The following HIBADH variants were observed in gnomAD, a reference collection of about 807,000 sequenced individuals.
The protein encoded by HIBADH is 3-hydroxyisobutyrate dehydrogenase, also known as 3-hydroxyisobutyrate dehydrogenase, mitochondrial.
Under a neutral mutation model 36.1 loss-of-function variants are expected in HIBADH, and 25 were observed. The ratio of observed to expected loss-of-function variants is 0.69; its 90% confidence interval spans 0.50 to 0.97. The LOEUF is 0.97. Among genes scored for constraint, HIBADH ranks in the 50% least tolerant of loss-of-function variants. The probability of loss-of-function intolerance (pLI) is 0.00; values close to 1 mark genes in which losing one functional copy is unlikely to be tolerated. For synonymous variants in HIBADH, 160 were observed against 149.5 expected, an observed-to-expected ratio of 1.07 and a Z score of -0.51; for missense variants, 421 against 418.0, an observed-to-expected ratio of 1.01 and a Z score of -0.06.
chr7:27,660,434 C>T (rs1261383787), intron 1 of HIBADH, among the ~76,000 whole-genome samples: 5 of 152,210 alleles, frequency 3.3e-5, no homozygotes, highest in Non-Finnish European at 7.3e-5. Context: ...GAGGCCAAGG[C>T]GGGCGGATCA....
chr7:27,554,507 C>G (rs1333228453), intron 4 of HIBADH, among the ~76,000 whole-genome samples: 4 of 152,128 alleles, frequency 2.6e-5, no homozygotes, highest in African/African-American at 9.7e-5. Context: ...ATCCAATTAC[C>G]ACCAATACCA....
At position 27,531,218 on chromosome 7, in the gene HIBADH, C is replaced by T; in HGVS notation, c.826G>A (p.Gly276Arg). Residue 276 changes from glycine to arginine, a missense_variant, in exon 7 of 8, where the codon GGA (glycine) becomes AGA (arginine). Coordinates refer to ENST00000265395, the MANE Select transcript of HIBADH (RefSeq NM_152740.4). Reference sequence around the variant, plus strand: ...TTAGCCATGAGTGTTGTTCCAAATCCACCCTGATAGTTATTAGCCGAGGGA... The same window carrying T: ...TTAGCCATGAGTGTTGTTCCAAATCTACCCTGATAGTTATTAGCCGAGGGA... ...GVPSANNYQG[G>R]FGTTLMAKDL... 6.2e-7 allele frequency: 1 copy of T among 1,613,628 alleles called. No individual in the cohort carries two copies. The highest frequency in any genetic ancestry group is 8.5e-7 in the Non-Finnish European group (1 of 1,179,716).
chr7:27,531,153 C>T lies in HIBADH; in HGVS notation c.852+39G>A, dbSNP rs914422204. The T allele has an allele frequency of 5.1e-6, 8 of 1,557,384 alleles. No individual in the cohort carries two copies. In the East Asian group the frequency reaches 6.8e-5, roughly 13 times the overall value. On this transcript the variant is annotated intron_variant, in intron 7 of 7. Coordinates refer to ENST00000265395, the MANE Select transcript of HIBADH (RefSeq NM_152740.4). ...AGGAAGGTGTTATTGGACCGTGAAACGTTTTTCCTTCTCTCTTGGGTGTCT... is the reference window on the plus strand; with the variant it reads ...AGGAAGGTGTTATTGGACCGTGAAATGTTTTTCCTTCTCTCTTGGGTGTCT...
At chr7:27,659,986 T>C (rs1486679877) in intron 1 of HIBADH, among the ~76,000 whole-genome samples, 2 of 152,008 alleles carry the variant, frequency 1.3e-5, no homozygotes, top group South Asian at 4.2e-4. Flanking sequence ...AGTACAGGAG[T>C]TCAAGGTTGC....
intron 6 of HIBADH, among the ~76,000 whole-genome samples, chr7:27,533,091 A>G (rs1023119055): frequency 2.6e-5 from 4 of 152,152 alleles, no homozygotes; most frequent in East Asian, 1.9e-4. Context: ...CCTAACTTAG[A>G]TCTTTTAAGA....
At chr7:27,634,015 A>G (rs1583610741) in intron 2 of HIBADH, among the ~76,000 whole-genome samples, 1 of 152,350 alleles carries the variant, frequency 6.6e-6, no homozygotes, top group East Asian at 1.9e-4. Flanking sequence ...ATTAAGAGCT[A>G]GAAGTAATTA....
chr7:27,639,438 A>AG lies in HIBADH; in HGVS notation c.253-6994dup, dbSNP rs549740279. Among the ~76,000 whole-genome samples the AG allele has an allele frequency of 5.9e-4, 90 of 152,152 alleles. 3 individuals carry two copies. In the East Asian group the frequency reaches 0.017, roughly 28 times the overall value. ...AACAACAGACACTTGAGACTACCTGAGGGGGGAGGGAGGGACAGAGGGTGA... is the reference window on the plus strand; with the variant it reads ...AACAACAGACACTTGAGACTACCTGAGGGGGGGAGGGAGGGACAGAGGGTGA... On this transcript the variant is annotated intron_variant, in intron 2 of 7. Coordinates refer to ENST00000265395, the MANE Select transcript of HIBADH (RefSeq NM_152740.4).
chr7:27,633,833 T>C (rs1190280429), intron 2 of HIBADH, among the ~76,000 whole-genome samples: 1 of 152,168 alleles, frequency 6.6e-6, no homozygotes, highest in Non-Finnish European at 1.5e-5. Context: ...ACATACATTA[T>C]GCATGTAGAA....
At chr7:27,653,681 G>A (rs1786242226) in intron 1 of HIBADH, among the ~76,000 whole-genome samples, 2 of 151,690 alleles carry the variant, frequency 1.3e-5, no homozygotes, top group Admixed American at 1.3e-4. Context: ...AGCTTGCAGT[G>A]AGCTGAGATC....
chr7:27,647,747 G>A (rs1365490353), intron 2 of HIBADH: 2 of 393,882 alleles, frequency 5.1e-6, no homozygotes, highest in Admixed American at 3.3e-5. Context: ...CAGAGTATGA[G>A]GTAATTCAGG....
intron 6 of HIBADH, among the ~76,000 whole-genome samples, chr7:27,535,267 A>G (rs1388253871): frequency 6.6e-6 from 1 of 152,000 alleles, no homozygotes; most frequent in Non-Finnish European, 1.5e-5. Flanking sequence ...TACAAATTAC[A>G]AACCTTTGCC....
chr7:27,556,157 G>T lies in HIBADH; in HGVS notation c.485-13057C>A, dbSNP rs115320445. 6.7e-3 allele frequency among the ~76,000 whole-genome samples: 1,022 copies of T among 152,200 alleles called. 13 individuals are homozygous for T. Among genetic ancestry groups the T allele is most frequent in the African/African-American group, 0.022 (931 of 41,528 alleles). Reference sequence around the variant, plus strand: ...CTCACTTGTTAATAATATCTGCTTCGACAGGACTGTGAAAGACTACATAAG... The same window carrying T: ...CTCACTTGTTAATAATATCTGCTTCTACAGGACTGTGAAAGACTACATAAG... On this transcript the variant is annotated intron_variant, in intron 4 of 7. Transcript: ENST00000265395.
At chr7:27,566,964 C>G (rs1278235665) in intron 4 of HIBADH, among the ~76,000 whole-genome samples, 1 of 152,130 alleles carries the variant, frequency 6.6e-6, no homozygotes, top group African/African-American at 2.4e-5. Context: ...TACCATCCAT[C>G]TTGGTAAATG....
chr7:27,563,399 G>C (rs1055166742), intron 4 of HIBADH, among the ~76,000 whole-genome samples: 11 of 152,162 alleles, frequency 7.2e-5, no homozygotes, highest in African/African-American at 2.7e-4. Context: ...ATCCAGGCTA[G>C]CATGAAGGTT....
chr7:27,549,703 C>T (rs959042843), intron 4 of HIBADH, among the ~76,000 whole-genome samples: 1 of 152,088 alleles, frequency 6.6e-6, no homozygotes, highest in African/African-American at 2.4e-5. Flanking sequence ...TTGCTTTATA[C>T]CCTTTTCAGG....
At chr7:27,644,242 G>A (rs1583616670) in intron 2 of HIBADH, among the ~76,000 whole-genome samples, 2 of 152,210 alleles carry the variant, frequency 1.3e-5, no homozygotes, top group South Asian at 4.1e-4. Context: ...GAGGTGGGCA[G>A]ATCACGAGGT....
intron 1 of HIBADH, among the ~76,000 whole-genome samples, chr7:27,660,357 A>C (rs1158543126): frequency 6.6e-6 from 1 of 152,240 alleles, no homozygotes; most frequent in Non-Finnish European, 1.5e-5. Context: ...CAGAAATTTA[A>C]ATGTTTAAAA....
At chr7:27,558,724 A>G (rs1784427113) in intron 4 of HIBADH, among the ~76,000 whole-genome samples, 1 of 152,134 alleles carries the variant, frequency 6.6e-6, no homozygotes, top group Non-Finnish European at 1.5e-5. Flanking sequence ...AAAACAAAAC[A>G]CAAGCATTTA....
At chr7:27,620,165 T>A (rs1210777265) in intron 4 of HIBADH, among the ~76,000 whole-genome samples, 1 of 152,022 alleles carries the variant, frequency 6.6e-6, no homozygotes, top group Non-Finnish European at 1.5e-5. Flanking sequence ...ACAAAACTTT[T>A]AAATTAGCTG....
Sources: gnomAD v4.1 joint callset for allele counts (sites outside exome capture counted in the v4.1 genomes callset) on GRCh38, gnomAD v4.1.1 for gene constraint, MANE v1.5 for transcripts, NCBI Gene and HGNC (gene_info 2026-07-23, HGNC 2026-07-21) for gene names.